Variants in BANF2 observed in about 807,000 individuals in gnomAD.
BANF2 encodes barrier-to-autointegration factor-like protein.
A neutral mutation model predicts 8.0 loss-of-function variants in BANF2; 4 were observed. That is an observed-to-expected ratio of 0.50 (90% confidence interval 0.25 to 1.14). The LOEUF (loss-of-function observed/expected upper bound fraction) is 1.14, where lower values mean the gene tolerates loss of function less well. BANF2 is among the 50% of genes most tolerant of loss of function. The pLI is 0.16. For missense variants in BANF2, 96 were observed against 107.5 expected, an observed-to-expected ratio of 0.89 and a Z score of 0.47; for synonymous variants, 50 against 40.6, an observed-to-expected ratio of 1.23 and a Z score of -0.88.
intron 1 of BANF2, among the ~76,000 whole-genome samples, chr20:17,714,213 AAG>A (rs751855308): frequency 7.7e-6 from 1 of 129,608 alleles, no homozygotes; most frequent in Non-Finnish European, 1.7e-5. Flanking sequence ...AAAAAAAAAA[AAG>A]AAAGAAAGAA....
In BANF2 at chr20:17,727,548, G is replaced by A. The variant is rs143204117; in HGVS notation, c.126+2397G>A. On this transcript the variant is annotated intron_variant, in intron 3 of 3. Coordinates refer to ENST00000246090, the MANE Select transcript of BANF2 (RefSeq NM_178477.5). Reference sequence around the variant, plus strand: ...GAGCCTGTATCAGGGTCTGGAGTCCGGCTGGGCCTGTAGTGAGACCCAGGA... The same window carrying A: ...GAGCCTGTATCAGGGTCTGGAGTCCAGCTGGGCCTGTAGTGAGACCCAGGA... 5.3e-3 allele frequency among the ~76,000 whole-genome samples: 804 copies of A among 152,182 alleles called. 6 individuals are homozygous for A. Among genetic ancestry groups the A allele is most frequent in the African/African-American group, 0.019 (769 of 41,504 alleles).
chr20:17,703,128 T>G (rs2037433860), intron 1 of BANF2, among the ~76,000 whole-genome samples: 1 of 152,326 alleles, frequency 6.6e-6, no homozygotes, highest in African/African-American at 2.4e-5. Context: ...TTTCCTCTGA[T>G]CATTTTATGG....
At chr20:17,721,453 G>T (rs539442971) in intron 1 of BANF2, among the ~76,000 whole-genome samples, 1 of 150,408 alleles carries the variant, frequency 6.6e-6, no homozygotes, top group Non-Finnish European at 1.5e-5. Flanking sequence ...GTGCAGTGGC[G>T]CAATCTCAGC....
intron 3 of BANF2, 43 bp from the exon 4 acceptor site, chr20:17,735,622 G>C (rs1432832618): frequency 6.3e-7 from 1 of 1,597,558 alleles, no homozygotes; most frequent in South Asian, 1.1e-5. Flanking sequence ...GCTGGCTTAT[G>C]ATAACCTTTC....
chr20:17,693,959 C>T (rs536240490), intron 1 of BANF2, among the ~76,000 whole-genome samples: 108 of 152,348 alleles, frequency 7.1e-4, no homozygotes, highest in African/African-American at 2.5e-3. Context: ...CCGACGGGCA[C>T]GTCTTGGACG....
At chr20:17,719,237 G>A (rs541502779) in intron 1 of BANF2, among the ~76,000 whole-genome samples, 8 of 152,224 alleles carry the variant, frequency 5.3e-5, no homozygotes, top group South Asian at 2.1e-4. Context: ...TGAGTCTCCC[G>A]TCTCAGCCTT....
chr20:17,699,630 G>A (rs2037380969), upstream of BANF2, among the ~76,000 whole-genome samples: 1 of 152,226 alleles, frequency 6.6e-6, no homozygotes, highest in African/African-American at 2.4e-5. Context: ...CAGGAAAACT[G>A]CATGAAGGAT....
At chr20:17,708,445 ATAAAAATC>A (rs1479982704) in intron 1 of BANF2, among the ~76,000 whole-genome samples, 1 of 152,186 alleles carries the variant, frequency 6.6e-6, no homozygotes, top group Non-Finnish European at 1.5e-5. Flanking sequence ...ATACTAGTAC[ATAAAAATC>A]TAAACGTTGG....
intron 1 of BANF2, among the ~76,000 whole-genome samples, chr20:17,715,375 C>A (rs2037637020): frequency 6.6e-6 from 1 of 152,134 alleles, no homozygotes; most frequent in Non-Finnish European, 1.5e-5. Flanking sequence ...AGGCCTTGCA[C>A]ACAGATGGCA....
upstream of BANF2, among the ~76,000 whole-genome samples, chr20:17,697,475 C>T (rs905777948): frequency 7.9e-5 from 12 of 152,300 alleles, no homozygotes; most frequent in South Asian, 1.5e-3. Context: ...TGACACTCAC[C>T]GGTTCCCAGA....
At chr20:17,697,261 A>C (rs969993519), upstream of BANF2, among the ~76,000 whole-genome samples, 3 of 152,236 alleles carry the variant, frequency 2.0e-5, no homozygotes, top group Non-Finnish European at 4.4e-5. Flanking sequence ...GGAATTGTCC[A>C]GGGAGATGGA....
At chr20:17,700,736 C>T (rs1168442053) in intron 1 of BANF2, among the ~76,000 whole-genome samples, 1 of 152,200 alleles carries the variant, frequency 6.6e-6, no homozygotes, top group Admixed American at 6.5e-5. Flanking sequence ...AGGATGCTGG[C>T]TCTTTCCATA....
rs1247958017 is a variant in BANF2 at position 17,694,599 on chromosome 20, CTCTTTTTTTTTTTTTTT to C, written c.18+895_18+911del. 3.1e-3 allele frequency among the ~76,000 whole-genome samples: 254 copies of C among 82,792 alleles called. 2 individuals carry two copies. Among genetic ancestry groups the C allele is most frequent in the African/African-American group, 4.7e-3 (95 of 20,370 alleles). The allele number at this position is 82,792 out of a possible 152,430, so 54.3% of individuals were successfully genotyped here. On this transcript the variant is annotated intron_variant, in intron 1 of 2. Transcript: ENST00000545418. ...AGGGGGCTATTTTTGTTTTTTCTCT[CTCTTTTTTTTTTTTTTT>C]TTTTTTTTTTTTTTTTTATTGAGAC...
At chr20:17,695,257 G>A (rs1022345638), upstream of BANF2, among the ~76,000 whole-genome samples, 1 of 151,566 alleles carries the variant, frequency 6.6e-6, no homozygotes, top group African/African-American at 2.4e-5. Context: ...GACCAGCCTG[G>A]TCAACAAAGG....
rs138061885 is a variant in BANF2, at chr20:17,704,568, G to T, written c.-167+4513G>T. On this transcript the variant is annotated intron_variant, in intron 1 of 3. Transcript: ENST00000246090. ...CGGTCCCTTCTTCCCAGGCATCTGG[G>T]CTTGTGCCCACATAGGGTAACTGTC... Among the ~76,000 whole-genome samples, 17 of 152,330 alleles carry T rather than the reference G, an allele frequency of 1.1e-4. No homozygotes were observed. In the East Asian group the frequency reaches 1.7e-3, roughly 16 times the overall value.
chr20:17,714,480 A>G (rs2037622966), intron 1 of BANF2, among the ~76,000 whole-genome samples: 1 of 152,218 alleles, frequency 6.6e-6, no homozygotes, highest in Non-Finnish European at 1.5e-5. Context: ...TTTATAGACA[A>G]GGGACAATTC....
intron 1 of BANF2, among the ~76,000 whole-genome samples, chr20:17,714,197 C>CAAAAAAAAAAAAAAAA (rs11375517): frequency 4.0e-5 from 3 of 75,288 alleles, no homozygotes; most frequent in African/African-American, 1.7e-4. Context: ...GAGACTCTGT[C>CAAAAAAAAAAAAAAAA]AAAAAAAAAA....
At chr20:17,733,662 G>A (rs889356693) in intron 3 of BANF2, among the ~76,000 whole-genome samples, 1 of 151,962 alleles carries the variant, frequency 6.6e-6, no homozygotes, top group Admixed American at 6.6e-5. Flanking sequence ...ATTCAAAATG[G>A]GAGGATACTG....
At chr20:17,735,550 C>T (rs2037964789) in intron 3 of BANF2, 115 bp from the exon 4 acceptor site, 1 of 1,280,156 alleles carries the variant, frequency 7.8e-7, no homozygotes, top group African/African-American at 1.5e-5. Flanking sequence ...TGAATCGGCC[C>T]TGCTCCCCCT....
Sources: gnomAD v4.1 joint callset for allele counts (sites outside exome capture counted in the v4.1 genomes callset) on GRCh38, gnomAD v4.1.1 for gene constraint, MANE v1.5 for transcripts, NCBI Gene and HGNC (gene_info 2026-07-23, HGNC 2026-07-21) for gene names.